The following DDX17 variants were observed in gnomAD, a reference collection of about 807,000 sequenced individuals.
DDX17 encodes the protein DEAD-box helicase 17, also known as probable ATP-dependent RNA helicase DDX17.
In DDX17, 10 loss-of-function variants were observed where a neutral mutation model predicts 80.8. The observed-to-expected ratio is 0.12, with a 90% confidence interval of 0.08 to 0.21. The LOEUF (loss-of-function observed/expected upper bound fraction) is 0.21. Ranked by LOEUF, DDX17 falls within the 10% of genes least tolerant of loss-of-function variation. DDX17 has a pLI of 1.00. For synonymous variants in DDX17, 339 were observed against 336.2 expected (o/e 1.01, Z -0.09); for missense variants, 586 against 957.4 (o/e 0.61, Z 5.12).
At chr22:38,502,219 T>C (rs949905522) in intron 1 of DDX17, among the ~76,000 whole-genome samples, 1 of 152,182 alleles carries the variant, frequency 6.6e-6, no homozygotes, top group Non-Finnish European at 1.5e-5. Flanking sequence ...GAGACCAGCC[T>C]GGCCAATATA....
At chr22:38,491,935 C>G in intron 11 of DDX17, 121 bp downstream of exon 11, 1 of 619,462 alleles carries the variant, frequency 1.6e-6, no homozygotes, top group Non-Finnish European at 2.5e-6. Flanking sequence ...TTTTTTCTTT[C>G]AAATATTTAT....
At chr22:38,504,553 TCA>T (rs1397163599) in intron 1 of DDX17, among the ~76,000 whole-genome samples, 1 of 152,198 alleles carries the variant, frequency 6.6e-6, no homozygotes, top group Non-Finnish European at 1.5e-5. Context: ...AGCAATACTG[TCA>T]CACGCGAAGC....
At position 38,499,393 on chromosome 22, in the gene DDX17, C is replaced by G; in HGVS notation, c.538+7G>C. 1.9e-6 allele frequency: 3 copies of G among 1,609,050 alleles called. No individual in the cohort carries two copies. The highest frequency in any genetic ancestry group is 2.6e-6 in the Non-Finnish European group (3 of 1,175,436). On this transcript the variant is annotated splice_region_variant and intron_variant, in intron 3 of 12. Transcript: ENST00000403230. ...CAAATTAAGGTTCTAGATTGAAGAA[C>G]ACTTACGTGGGAAGTTAGCATGATG... is the stretch of plus-strand genomic sequence containing the variant.
At position 38,489,539 on chromosome 22, in the gene DDX17, A is replaced by T. The variant is rs911365654; in HGVS notation, c.1448-1424T>A. On this transcript the variant is annotated intron_variant, in intron 11 of 12. Transcript: ENST00000403230. The surrounding 1 kb of genome is among the most constrained non-coding windows in gnomAD (Gnocchi z 4.6). ...GTGATTGTAGAAAAAAATAATTAAT[A>T]AAAAAAAATGTAAGTTACATCCAAA... is the stretch of plus-strand genomic sequence containing the variant. 2.9e-5 allele frequency: 28 copies of T among 980,678 alleles called. No individual in the cohort carries two copies. Among genetic ancestry groups the T allele is most frequent in the East Asian group, 1.1e-4 (1 of 8,762 alleles). The allele number at this position is 980,678 out of a possible 1,614,324, so 60.7% of individuals were successfully genotyped here.
intron 6 of DDX17, among the ~76,000 whole-genome samples, chr22:38,495,382 A>G (rs1267574615): frequency 6.6e-6 from 1 of 151,350 alleles, no homozygotes; most frequent in Non-Finnish European, 1.5e-5. Flanking sequence ...AGTAGCTGGG[A>G]CTGCAGGCAC....
rs1429076859 is a variant in DDX17 at position 38,483,608 on chromosome 22, C to T, written c.*2327G>A. 3.3e-5 allele frequency: 5 copies of T among 152,548 alleles called. No individual in the cohort carries two copies. The highest frequency in any genetic ancestry group is 1.2e-4 in the African/African-American group (5 of 41,422). The allele number at this position is 152,548 out of a possible 1,614,324, so 9.4% of individuals were successfully genotyped here. ...AATGCAACAGGAATGTGTCTGGAGA[C>T]CAGCAAGAACATCAATAGAGAGCAC... On this transcript the variant is annotated 3_prime_UTR_variant, in exon 13 of 13. Coordinates refer to ENST00000403230, the MANE Select transcript of DDX17 (RefSeq NM_006386.5).
At chr22:38,498,234 A>G in intron 4 of DDX17, 84 bp from the exon 5 acceptor site, 1 of 1,511,356 alleles carries the variant, frequency 6.6e-7, no homozygotes, top group East Asian at 2.3e-5. Context: ...ATTAATGCAT[A>G]AATAGGAAAG....
At chr22:38,495,397 C>T (rs1481428816) in intron 6 of DDX17, among the ~76,000 whole-genome samples, 4 of 152,114 alleles carry the variant, frequency 2.6e-5, no homozygotes, top group Non-Finnish European at 4.4e-5. Flanking sequence ...AGGCACCTGC[C>T]ACCACGCCTG....
intron 12 of DDX17, 35 bp from the exon 13 acceptor site, chr22:38,486,475 G>A (rs1246275542): frequency 1.9e-6 from 3 of 1,545,416 alleles, no homozygotes; most frequent in Admixed American, 2.0e-5. Flanking sequence ...TTTAATGGCA[G>A]ATATAGGACC....
Position 38,493,564 on chromosome 22 carries a change from A to T in DDX17, c.1387+146T>A. 2 of 656,234 alleles carry T rather than the reference A, an allele frequency of 3.0e-6. 1 individual carries two copies. Among genetic ancestry groups the T allele is most frequent in the South Asian group, 3.8e-5 (2 of 52,964 alleles). 40.7% of individuals were successfully genotyped at this position (656,234 alleles called of 1,614,324 possible). On this transcript the variant is annotated intron_variant, in intron 10 of 12. Coordinates refer to ENST00000403230, the MANE Select transcript of DDX17 (RefSeq NM_006386.5). ...AACAGCAGTGCTGAGTGGCTATAAC[A>T]GAGACCACCATTTGGTTTACAAAGC...
chr22:38,497,652 C>T (rs946066706), intron 5 of DDX17, among the ~76,000 whole-genome samples: 76 of 128,394 alleles, frequency 5.9e-4, no homozygotes, highest in African/African-American at 2.2e-3. Flanking sequence ...GAAGGCTGGA[C>T]GCAGTGGCTC....
chr22:38,502,453 C>G (rs934885230), intron 1 of DDX17, among the ~76,000 whole-genome samples: 1 of 150,062 alleles, frequency 6.7e-6, no homozygotes, highest in Non-Finnish European at 1.5e-5. Flanking sequence ...TATGACCTTT[C>G]CTTCTTCTTT....
intron 11 of DDX17, chr22:38,490,276 T>TA: frequency 7.9e-7 from 1 of 1,264,508 alleles, no homozygotes; most frequent in South Asian, 1.3e-5. Flanking sequence ...CTGACTGGGA[T>TA]AAGAACCTTT....
intron 1 of DDX17, chr22:38,505,655 G>A: frequency 2.5e-6 from 1 of 393,218 alleles, no homozygotes; most frequent in Non-Finnish European, 4.5e-6. Flanking sequence ...CCCGGGCCTG[G>A]GCTGATGCGG....
intron 1 of DDX17, 25 bp downstream of exon 1, chr22:38,505,926 C>G: frequency 6.5e-7 from 1 of 1,546,564 alleles, no homozygotes; most frequent in Non-Finnish European, 8.7e-7. Flanking sequence ...CACGCCAGGC[C>G]TCTCCTCTCC....
chr22:38,502,131 C>A (rs2089836779), intron 1 of DDX17, among the ~76,000 whole-genome samples: 1 of 152,194 alleles, frequency 6.6e-6, no homozygotes, highest in Non-Finnish European at 1.5e-5. Flanking sequence ...GCTGAGCCTG[C>A]CGGGGGCAGT....
Position 38,485,942 on chromosome 22 carries a change from C to T in DDX17, c.2183G>A (p.Arg728His), listed in dbSNP as rs1270748421. 1.9e-6 allele frequency: 3 copies of T among 1,612,422 alleles called. No individual in the cohort carries two copies. The highest frequency in any genetic ancestry group is 2.5e-6 in the Non-Finnish European group (3 of 1,179,678). ...ACTACCACTTGAGTGGTTTCATTTA[C>T]GTGAAGGAGGAGGAGGGGGAGGAGG... is the stretch of plus-strand genomic sequence containing the variant. Residue 728 changes from arginine (R) to histidine (H), a missense_variant, in exon 13 of 13, where the codon CGT (arginine) becomes CAT (histidine). This residue lies in a region of DDX17 where 221 missense variants were observed against 261.4 expected (regional missense o/e 0.85). Coordinates refer to ENST00000403230, the MANE Select transcript of DDX17 (RefSeq NM_006386.5).
Position 38,485,793 on chromosome 22 carries a change from A to T in DDX17, c.*142T>A. On this transcript the variant is annotated 3_prime_UTR_variant, in exon 13 of 13. Coordinates refer to ENST00000403230, the MANE Select transcript of DDX17 (RefSeq NM_006386.5). ...CTAACTAATCTGCATGAAAAGACAA[A>T]TCACGATGGTTGGGGGGAAAAATTA... 1.6e-6 allele frequency: 2 copies of T among 1,274,190 alleles called. No individual in the cohort carries two copies. The highest frequency in any genetic ancestry group is 2.1e-6 in the Non-Finnish European group (2 of 971,800). 78.9% of individuals were successfully genotyped at this position (1,274,190 alleles called of 1,614,324 possible).
intron 1 of DDX17, among the ~76,000 whole-genome samples, chr22:38,504,712 C>T (rs2089862462): frequency 1.3e-5 from 2 of 152,138 alleles, no homozygotes; most frequent in Admixed American, 6.5e-5. Flanking sequence ...CCACAAAAGA[C>T]AAAAACGTTT....
Sources: gnomAD v4.1 joint callset for allele counts (sites outside exome capture counted in the v4.1 genomes callset) on GRCh38, gnomAD v4.1.1 for gene constraint, gnomAD v4.1.1 regional missense constraint, Gnocchi (gnomAD v3.1) non-coding constraint, MANE v1.5 for transcripts, NCBI Gene and HGNC (gene_info 2026-07-23, HGNC 2026-07-21) for gene names.